The following PRKCA variants were observed in gnomAD, a reference collection of about 807,000 sequenced individuals.
The protein encoded by PRKCA is protein kinase C alpha type.
In PRKCA, 27 loss-of-function variants were observed where a neutral mutation model predicts 87.0. That is an observed-to-expected ratio of 0.31 (90% CI 0.23 to 0.43). The LOEUF (loss-of-function observed/expected upper bound fraction) is 0.43, where lower values mean the gene tolerates loss of function less well. Ranked by LOEUF, PRKCA falls within the 20% of genes least tolerant of loss-of-function variation. PRKCA has a pLI of 1.00. For missense variants in PRKCA, 518 were observed against 852.3 expected, an observed-to-expected ratio of 0.61 and a Z score of 4.88; for synonymous variants, 329 against 311.1, an observed-to-expected ratio of 1.06 and a Z score of -0.61.
intron 3 of PRKCA, among the ~76,000 whole-genome samples, chr17:66,533,245 G>A (rs888519429): frequency 4.6e-5 from 7 of 152,210 alleles, no homozygotes; most frequent in Non-Finnish European, 8.8e-5. Context: ...TTCCCATCAC[G>A]TCTTCTCTTA....
chr17:66,777,525 G>A (rs748058705), intron 14 of PRKCA: 1 of 980,828 alleles, frequency 1.0e-6, no homozygotes, highest in Non-Finnish European at 1.2e-6. Flanking sequence ...TGAGTCAATG[G>A]CTGGAGAAAC....
intron 2 of PRKCA, among the ~76,000 whole-genome samples, chr17:66,397,521 A>G (rs1262783483): frequency 9.2e-5 from 14 of 152,018 alleles, no homozygotes. Flanking sequence ...TTTCTTTTTT[A>G]GCTTGTCTTT....
rs1205900859 is a variant in PRKCA at position 66,312,041 on chromosome 17, G to A, written c.205+5914G>A. Among the ~76,000 whole-genome samples the A allele has an allele frequency of 2.0e-5, 3 of 152,116 alleles. 1 individual carries two copies. The highest frequency in any genetic ancestry group is 4.1e-4 in the South Asian group (2 of 4,834). On this transcript the variant is annotated intron_variant, in intron 2 of 16. Transcript: ENST00000413366. ...TTGTCTCCCAGGCTGCGGTGCAATG[G>A]TGCAACTTTGGCTCACTGCAACCTC...
chr17:66,338,984 A>T (rs1906874512), intron 2 of PRKCA, among the ~76,000 whole-genome samples: 1 of 152,224 alleles, frequency 6.6e-6, no homozygotes, highest in Admixed American at 6.5e-5. Flanking sequence ...TCTTGCTGGC[A>T]TTCCTTAGAC....
At chr17:66,494,914 C>A (rs753325008) in intron 2 of PRKCA, among the ~76,000 whole-genome samples, 7 of 151,982 alleles carry the variant, frequency 4.6e-5, no homozygotes, top group Non-Finnish European at 5.9e-5. Flanking sequence ...ACTAGCCTGG[C>A]CAACATGGTG....
chr17:66,535,784 ACTCTTCTAGTCCATTCCC>A (rs1323256917), intron 3 of PRKCA, among the ~76,000 whole-genome samples: 1 of 151,974 alleles, frequency 6.6e-6, no homozygotes, highest in African/African-American at 2.4e-5. Flanking sequence ...GAGACCACAA[ACTCTTCTAGTCCATTCCC>A]CTCCTTCTAA....
intron 3 of PRKCA, among the ~76,000 whole-genome samples, chr17:66,593,929 C>T (rs1409875597): frequency 6.6e-6 from 1 of 152,098 alleles, no homozygotes; most frequent in Non-Finnish European, 1.5e-5. Flanking sequence ...ACTAAAAATA[C>T]AAAAAATTAG....
Position 66,774,004 on chromosome 17 carries a change from G to T in PRKCA, c.1542G>T (p.Pro514=). 3.1e-6 allele frequency: 5 copies of T among 1,613,928 alleles called. No individual in the cohort carries two copies. The highest frequency in any genetic ancestry group is 4.2e-6 in the Non-Finnish European group (5 of 1,179,924). Residue 514 remains proline (P), a synonymous_variant, in exon 14 of 17, where the codon CCG becomes CCT. Transcript: ENST00000413366. ...YIAPEIIAYQ[P]YGKSVDWWAY... is the part of the protein sequence containing the mutation. ...TCACACAGATAATCGCTTATCAGCC[G>T]TATGGAAAATCTGTGGACTGGTGGG...
intron 8 of PRKCA, among the ~76,000 whole-genome samples, chr17:66,728,493 A>G (rs942957390): frequency 1.3e-5 from 2 of 152,228 alleles, no homozygotes; most frequent in Non-Finnish European, 2.9e-5. Flanking sequence ...CTTTGTGGAT[A>G]TTGCTCTCAA....
intron 2 of PRKCA, among the ~76,000 whole-genome samples, chr17:66,308,369 A>G (rs1429365532): frequency 6.6e-6 from 1 of 151,522 alleles, no homozygotes; most frequent in Non-Finnish European, 1.5e-5. Flanking sequence ...TTAGATTTCC[A>G]TCTCCTGCAT....
At chr17:66,344,512 C>G (rs1907239629) in intron 2 of PRKCA, among the ~76,000 whole-genome samples, 1 of 151,734 alleles carries the variant, frequency 6.6e-6, no homozygotes, top group Non-Finnish European at 1.5e-5. Context: ...AAACAAACAA[C>G]AACAACAACA....
intron 16 of PRKCA, among the ~76,000 whole-genome samples, chr17:66,794,440 C>T (rs1467510350): frequency 6.6e-6 from 1 of 150,622 alleles, no homozygotes; most frequent in Non-Finnish European, 1.5e-5. Flanking sequence ...ATTATCGAAG[C>T]TGGTGCAAGG....
chr17:66,769,453 G>T (rs139151633), intron 13 of PRKCA, among the ~76,000 whole-genome samples: 7 of 151,980 alleles, frequency 4.6e-5, no homozygotes, highest in Non-Finnish European at 7.4e-5. Flanking sequence ...TGTTAGAGAA[G>T]TACTTCAGTA....
chr17:66,615,693 A>G (rs1234538810), intron 3 of PRKCA, among the ~76,000 whole-genome samples: 1 of 152,172 alleles, frequency 6.6e-6, no homozygotes, highest in Non-Finnish European at 1.5e-5. Flanking sequence ...AAACCCACAG[A>G]TAGTAACTGT....
chr17:66,482,098 C>CAAAAAAA (rs58719328), intron 2 of PRKCA, among the ~76,000 whole-genome samples: 103 of 89,232 alleles, frequency 1.2e-3, no homozygotes, highest in Non-Finnish European at 1.3e-3. Context: ...AAGACTGTCT[C>CAAAAAAA]AAAAAAAAAA....
intron 3 of PRKCA, among the ~76,000 whole-genome samples, chr17:66,609,685 CG>C (rs762419797): frequency 1.6e-4 from 24 of 150,578 alleles, no homozygotes; most frequent in African/African-American, 5.9e-4. Flanking sequence ...AGGAAGGGAA[CG>C]GGGAAAAAAA....
intron 16 of PRKCA, 37 bp downstream of exon 16, chr17:66,789,016 T>C (rs769416504): frequency 1.2e-6 from 2 of 1,612,796 alleles, no homozygotes; most frequent in South Asian, 1.1e-5. Context: ...CGGAACCCCA[T>C]GTCCCCAAAT....
intron 2 of PRKCA, among the ~76,000 whole-genome samples, chr17:66,372,171 C>G (rs1049455551): frequency 2.0e-5 from 3 of 152,160 alleles, no homozygotes; most frequent in African/African-American, 7.2e-5. Flanking sequence ...CTCAGGAGGT[C>G]TAGATGGGAC....
At chr17:66,402,530 C>G (rs1271354123) in intron 2 of PRKCA, among the ~76,000 whole-genome samples, 1 of 151,540 alleles carries the variant, frequency 6.6e-6, no homozygotes, top group Non-Finnish European at 1.5e-5. Flanking sequence ...CTCCATATCA[C>G]CTACATCCAA....
Sources: allele counts gnomAD v4.1 joint callset (sites outside exome capture counted in the v4.1 genomes callset), GRCh38; gene constraint gnomAD v4.1.1; transcripts MANE v1.5; gene names NCBI Gene and HGNC (gene_info 2026-07-23, HGNC 2026-07-21).